SLC4A8: variants seen among roughly 807,000 people sequenced by gnomAD.
The protein encoded by SLC4A8 is solute carrier family 4 member 8, also known as electroneutral sodium bicarbonate exchanger 1.
In SLC4A8, 40 loss-of-function variants were observed where a neutral mutation model predicts 125.0. That is an observed-to-expected ratio of 0.32 (90% CI 0.25 to 0.42). The LOEUF is 0.42. SLC4A8 is among the 10% of genes least tolerant of loss of function. SLC4A8 has a pLI of 1.00. For synonymous variants in SLC4A8, 456 were observed against 476.0 expected, an observed-to-expected ratio of 0.96 and a Z score of 0.55; for missense variants, 863 against 1,355.1, an observed-to-expected ratio of 0.64 and a Z score of 5.70.
intron 4 of SLC4A8, 134 bp downstream of exon 4, chr12:51,452,393 G>C (rs1949998669): frequency 1.0e-6 from 1 of 988,126 alleles, no homozygotes; most frequent in Non-Finnish European, 1.5e-6. Flanking sequence ...ACATTCCAGT[G>C]TCTCCTGTGG....
rs191155928 is a variant in SLC4A8 at position 51,399,244 on chromosome 12, C to T, written c.-112+7756C>T. On this transcript the variant is annotated intron_variant, in intron 1 of 24. Transcript: ENST00000358657. ...CATTGTTTATTAATTCCCGTGGAAT[C>T]TTATTTACTTATTTTCAATAGGTGA... Among the ~76,000 whole-genome samples the T allele has an allele frequency of 5.8e-4, 89 of 152,258 alleles. No individual in the cohort carries two copies. In the East Asian group the frequency reaches 0.015, roughly 26 times the overall value.
At chr12:51,493,344 A>C (rs1165427595) in intron 19 of SLC4A8, among the ~76,000 whole-genome samples, 1 of 152,062 alleles carries the variant, frequency 6.6e-6, no homozygotes, top group Non-Finnish European at 1.5e-5. Flanking sequence ...GAGATTACAG[A>C]AGATTTAAAA....
chr12:51,425,327 C>T lies in SLC4A8; in HGVS notation c.48+292C>T, dbSNP rs1948933807. 4.8e-6 allele frequency: 6 copies of T among 1,240,162 alleles called. No individual in the cohort carries two copies. The East Asian group carries it at 2.2e-4, about 45-fold the overall frequency. 76.8% of individuals were successfully genotyped at this position (1,240,162 alleles called of 1,614,324 possible). ...GCGGGCGGCGACCTCTTGTTCTCCT[C>T]GCGTCTTTCTGTTGGAAGGGGCCGG... On this transcript the variant is annotated intron_variant, in intron 1 of 24. Transcript: ENST00000453097.
intron 1 of SLC4A8, among the ~76,000 whole-genome samples, chr12:51,428,850 T>G (rs897214733): frequency 6.6e-6 from 1 of 152,238 alleles, no homozygotes; most frequent in African/African-American, 2.4e-5. Flanking sequence ...ACTTTATTAT[T>G]GTTTTCCAAA....
At chr12:51,424,827 C>T (rs1159245897), upstream of SLC4A8, 8 of 686,608 alleles carry the variant, frequency 1.2e-5, no homozygotes, top group Non-Finnish European at 1.9e-5. Context: ...GCGGCGGATG[C>T]CTCGCGGGCC....
intron 1 of SLC4A8, among the ~76,000 whole-genome samples, chr12:51,393,907 G>A (rs559049689): frequency 2.7e-4 from 41 of 152,298 alleles, no homozygotes; most frequent in African/African-American, 9.4e-4. Flanking sequence ...TTCTTGTCAT[G>A]TGCCTTACTT....
At chr12:51,451,399 G>T (rs953843618) in intron 3 of SLC4A8, among the ~76,000 whole-genome samples, 1 of 152,032 alleles carries the variant, frequency 6.6e-6, no homozygotes, top group Non-Finnish European at 1.5e-5. Context: ...GTGAGCCACC[G>T]CACCCGGCCA....
At chr12:51,424,046 A>AC (rs1159822028), upstream of SLC4A8, among the ~76,000 whole-genome samples, 114 of 51,782 alleles carry the variant, frequency 2.2e-3, 7 homozygotes, top group South Asian at 4.9e-3. Context: ...CCAAAAAAAA[A>AC]AAAAAAACAA....
chr12:51,424,860 G>T lies in SLC4A8; in HGVS notation c.-128G>T. The T allele has an allele frequency of 9.7e-7, 1 of 1,032,644 alleles. No individual in the cohort carries two copies. The highest frequency in any genetic ancestry group is 2.1e-4 in the Middle Eastern group (1 of 4,810). The allele number at this position is 1,032,644 out of a possible 1,614,324, so 64.0% of individuals were successfully genotyped here. On this transcript the variant is annotated 5_prime_UTR_variant, in exon 1 of 25. Coordinates refer to ENST00000453097, the MANE Select transcript of SLC4A8 (RefSeq NM_001039960.3). ...GCCGGTGGCTATGGAGGCGGCGGCG[G>T]TTGATGGTTGACCGTTGGCTCCGGG...
intron 19 of SLC4A8, among the ~76,000 whole-genome samples, chr12:51,491,270 T>C (rs1209225402): frequency 6.6e-6 from 1 of 151,804 alleles, no homozygotes; most frequent in East Asian, 1.9e-4. Context: ...AGCACATAGG[T>C]GGTATTGAAA....
intron 17 of SLC4A8, among the ~76,000 whole-genome samples, chr12:51,487,596 C>T (rs1204251020): frequency 1.3e-5 from 2 of 152,180 alleles, no homozygotes; most frequent in African/African-American, 2.4e-5. Flanking sequence ...CAAAAAAGGG[C>T]GAACTTGTCT....
At chr12:51,428,282 C>T (rs1949067581) in intron 1 of SLC4A8, among the ~76,000 whole-genome samples, 1 of 152,076 alleles carries the variant, frequency 6.6e-6, no homozygotes, top group Admixed American at 6.6e-5. Flanking sequence ...CTTTTGGTTT[C>T]TTGTTTATTA....
intron 1 of SLC4A8, among the ~76,000 whole-genome samples, chr12:51,433,433 T>C (rs990132595): frequency 6.6e-6 from 1 of 152,146 alleles, no homozygotes; most frequent in Non-Finnish European, 1.5e-5. Flanking sequence ...TTTCTTAAGC[T>C]TATATAATGT....
chr12:51,419,006 G>A (rs1396150335), intron 1 of SLC4A8, among the ~76,000 whole-genome samples: 2 of 152,184 alleles, frequency 1.3e-5, no homozygotes, highest in Non-Finnish European at 2.9e-5. Flanking sequence ...TTTGCTGGTG[G>A]GGGAGGGGTT....
At position 51,463,705 on chromosome 12, in the gene SLC4A8, G is replaced by T; in HGVS notation, c.1340G>T (p.Arg447Leu). ...GGTCACAGTGGGCCAGAACTTCAGCGCACTGGGCGGTAAGTCCTGGGACGT... is the reference window on the plus strand; with the variant it reads ...GGTCACAGTGGGCCAGAACTTCAGCTCACTGGGCGGTAAGTCCTGGGACGT... ...HGGHSGPELQ[R>L]TGRLFGGLVL... Residue 447 changes from arginine to leucine, a missense_variant, in exon 11 of 25, where the codon CGC becomes CTC. Transcript: ENST00000453097. 4 of 1,611,044 alleles carry T rather than the reference G, an allele frequency of 2.5e-6. No individual in the cohort carries two copies. The highest frequency in any genetic ancestry group is 3.4e-6 in the Non-Finnish European group (4 of 1,177,286).
intron 2 of SLC4A8, among the ~76,000 whole-genome samples, chr12:51,446,272 G>A (rs138956444): frequency 6.6e-6 from 1 of 152,298 alleles, no homozygotes; most frequent in South Asian, 2.1e-4. Context: ...TGAGACAGGA[G>A]GGTAAGAAGT....
Position 51,465,243 on chromosome 12 carries a change from AG to A in SLC4A8, c.1349+1532del, listed in dbSNP as rs528825709. Among the ~76,000 whole-genome samples, 203 of 152,336 alleles carry A rather than the reference AG, an allele frequency of 1.3e-3. 1 individual carries two copies. The highest frequency in any genetic ancestry group is 4.8e-3 in the African/African-American group (201 of 41,574). On this transcript the variant is annotated intron_variant, in intron 11 of 24. Coordinates refer to ENST00000453097, the MANE Select transcript of SLC4A8 (RefSeq NM_001039960.3). ...ATTATAATTTATCTTTTGGATATAAAGGGTGTCCACACTTTAGGAACTTAGA... is the reference window on the plus strand; with the variant it reads ...ATTATAATTTATCTTTTGGATATAAAGGTGTCCACACTTTAGGAACTTAGA...
At chr12:51,486,652 C>CA (rs1951171362) in intron 17 of SLC4A8, among the ~76,000 whole-genome samples, 2 of 152,136 alleles carry the variant, frequency 1.3e-5, no homozygotes. Context: ...TGTGCGTACT[C>CA]AGTGACTTTA....
At chr12:51,460,137 C>G in intron 8 of SLC4A8, 29 bp downstream of exon 8, 1 of 1,590,838 alleles carries the variant, frequency 6.3e-7, no homozygotes, top group South Asian at 1.1e-5. Context: ...CTCATGCATT[C>G]TATCCAAAAT....
Sources: allele counts gnomAD v4.1 joint callset (sites outside exome capture counted in the v4.1 genomes callset), GRCh38; gene constraint gnomAD v4.1.1; transcripts MANE v1.5; gene names NCBI Gene and HGNC (gene_info 2026-07-23, HGNC 2026-07-21).